MARCHF8: variants seen among roughly 807,000 people sequenced by gnomAD.
MARCHF8 encodes membrane associated ring-CH-type finger 8.
In MARCHF8, 40 loss-of-function variants were observed where a neutral mutation model predicts 51.6. The observed-to-expected ratio is 0.77, with a 90% confidence interval of 0.60 to 1.01. The LOEUF (loss-of-function observed/expected upper bound fraction) is 1.01, where lower values mean the gene tolerates loss of function less well. MARCHF8 is among the 50% of genes least tolerant of loss of function. MARCHF8 has a pLI of 0.00. For synonymous variants in MARCHF8, 263 were observed against 280.3 expected (o/e 0.94, Z 0.62); for missense variants, 685 against 708.6 (o/e 0.97, Z 0.38).
intron 3 of MARCHF8, among the ~76,000 whole-genome samples, chr10:45,472,837 C>T (rs977711666): frequency 2.6e-5 from 4 of 152,200 alleles, no homozygotes; most frequent in African/African-American, 9.6e-5. Context: ...TGTCAGGATT[C>T]GAGTGAGGCT....
At chr10:45,561,900 CAAAAAAAAAAA>C (rs34329041) in intron 1 of MARCHF8, among the ~76,000 whole-genome samples, 11 of 41,534 alleles carry the variant, frequency 2.6e-4, no homozygotes, top group African/African-American at 9.0e-4. Flanking sequence ...GACTCCGTCT[CAAAAAAAAAAA>C]AAAAAAAAAA....
At chr10:45,464,377 G>T (rs891344521) in intron 3 of MARCHF8, 50 bp from the exon 4 acceptor site, 1 of 1,482,634 alleles carries the variant, frequency 6.7e-7, no homozygotes. Context: ...CAAGGGGATT[G>T]TGTGCACTGT....
exon 1 of MARCHF8, chr10:45,594,824 C>G (rs2044722777): frequency 6.6e-6 from 1 of 152,570 alleles, no homozygotes; most frequent in Non-Finnish European, 1.5e-5. Flanking sequence ...CGAGCATGCC[C>G]GAGACGTGGA....
intron 2 of MARCHF8, among the ~76,000 whole-genome samples, chr10:45,519,272 CAACT>C (rs1329220368): frequency 1.3e-5 from 2 of 152,106 alleles, no homozygotes; most frequent in Non-Finnish European, 2.9e-5. Flanking sequence ...AACAGGTAAA[CAACT>C]AACAGATATG....
chr10:45,456,182 T>G lies in MARCHF8; in HGVS notation c.*2057A>C, dbSNP rs1213538449. ...AGTTCCTAAGGGACATTGGCAGGGC[T>G]GACCTGGGATTCAGCTCCCCTGAGT... On this transcript the variant is annotated 3_prime_UTR_variant, in exon 8 of 8. Coordinates refer to ENST00000453424, the MANE Select transcript of MARCHF8 (RefSeq NM_001282866.2). 6.6e-6 allele frequency: 1 copy of G among 152,348 alleles called. No homozygotes were observed. The highest frequency in any genetic ancestry group is 1.5e-5 in the Non-Finnish European group (1 of 68,124). The allele number at this position is 152,348 out of a possible 1,614,324, so 9.4% of individuals were successfully genotyped here. A position where few individuals can be genotyped will look rare whatever the true frequency, so the allele number is the denominator to read the frequency against.
intron 6 of MARCHF8, among the ~76,000 whole-genome samples, chr10:45,460,183 T>C (rs898729968): frequency 1.3e-5 from 2 of 152,186 alleles, no homozygotes; most frequent in African/African-American, 2.4e-5. Context: ...TTCCTACCTA[T>C]AATACAGAGT....
Position 45,458,252 on chromosome 10 carries a change from A to G in MARCHF8, c.1709T>C (p.Ile570Thr). Reference protein sequence around the residue: ...CTEPEDTGAEIIHV With the variant: ...CTEPEDTGAETIHV ...ACCCGCACACAATCAGACGTGAATG[A>G]TTTCTGCTCCAGTGTCTTCAGGCTC... The change falls in exon 8 of 8, where the codon ATC (isoleucine) becomes ACC (threonine). Residue 570 changes from isoleucine (I) to threonine (T), a missense_variant. Transcript: ENST00000453424. The G allele has an allele frequency of 3.1e-6, 5 of 1,610,018 alleles. No individual in the cohort carries two copies. Among genetic ancestry groups the G allele is most frequent in the Non-Finnish European group, 4.2e-6 (5 of 1,177,844 alleles).
At chr10:45,503,568 TA>T (rs1359069022) in intron 2 of MARCHF8, among the ~76,000 whole-genome samples, 19 of 148,612 alleles carry the variant, frequency 1.3e-4, no homozygotes, top group African/African-American at 3.2e-4. Context: ...AATAAATAAA[TA>T]AAATAAAAAC....
At chr10:45,585,910 T>C (rs35183751) in intron 1 of MARCHF8, among the ~76,000 whole-genome samples, 9,403 of 152,144 alleles carry the variant, frequency 0.062, 335 homozygotes, top group Non-Finnish European at 0.067. Context: ...CTGGACATAA[T>C]TAGTAACAAT....
At chr10:45,564,453 T>A (rs1393262488) in intron 1 of MARCHF8, among the ~76,000 whole-genome samples, 1 of 151,922 alleles carries the variant, frequency 6.6e-6, no homozygotes, top group African/African-American at 2.4e-5. Flanking sequence ...AAAAAAAGAC[T>A]GGAGAAAAAT....
At chr10:45,512,426 C>G (rs955789108) in intron 2 of MARCHF8, among the ~76,000 whole-genome samples, 12 of 151,070 alleles carry the variant, frequency 7.9e-5, no homozygotes, top group Middle Eastern at 3.5e-3. Flanking sequence ...CGGCCAGCCA[C>G]CCCGTCCGGG....
intron 3 of MARCHF8, among the ~76,000 whole-genome samples, chr10:45,482,261 T>C (rs539868183): frequency 6.6e-6 from 1 of 152,268 alleles, no homozygotes; most frequent in African/African-American, 2.4e-5. Flanking sequence ...ACAGATTCAA[T>C]GCAATTGCTA....
chr10:45,484,317 G>A (rs1486519247), intron 3 of MARCHF8, among the ~76,000 whole-genome samples: 2 of 152,224 alleles, frequency 1.3e-5, no homozygotes, highest in African/African-American at 4.8e-5. Flanking sequence ...GACTGAGTGT[G>A]GATGGGGCAT....
intron 2 of MARCHF8, among the ~76,000 whole-genome samples, chr10:45,501,650 T>A (rs887104784): frequency 2.6e-5 from 4 of 152,038 alleles, no homozygotes; most frequent in African/African-American, 9.7e-5. Flanking sequence ...TTAAACTTCA[T>A]CAAAATCAGA....
intron 1 of MARCHF8, among the ~76,000 whole-genome samples, chr10:45,541,337 A>G (rs916072809): frequency 1.3e-5 from 2 of 151,838 alleles, no homozygotes; most frequent in African/African-American, 4.8e-5. Flanking sequence ...ACCAAACACC[A>G]CATGTTCTCA....
At chr10:45,484,781 C>T (rs977446023) in intron 3 of MARCHF8, among the ~76,000 whole-genome samples, 5 of 152,042 alleles carry the variant, frequency 3.3e-5, no homozygotes, top group South Asian at 2.1e-4. Flanking sequence ...ACAAAAGGTG[C>T]GCAAATAGGA....
intron 2 of MARCHF8, among the ~76,000 whole-genome samples, chr10:45,501,400 A>C (rs1197476113): frequency 6.6e-6 from 1 of 152,170 alleles, no homozygotes; most frequent in Non-Finnish European, 1.5e-5. Flanking sequence ...CTGATTTTTA[A>C]GAAAGCAATT....
At chr10:45,553,853 T>A (rs565338884) in intron 1 of MARCHF8, among the ~76,000 whole-genome samples, 1 of 150,482 alleles carries the variant, frequency 6.6e-6, no homozygotes, top group Admixed American at 6.6e-5. Flanking sequence ...ACACACACAC[T>A]CTTGCTCATG....
upstream of MARCHF8, among the ~76,000 whole-genome samples, chr10:45,536,488 T>C (rs1027882456): frequency 9.9e-5 from 15 of 151,876 alleles, no homozygotes; most frequent in Admixed American, 8.5e-4. Context: ...TTCACACCTA[T>C]AATCCCAGAA....
Sources: gnomAD v4.1 joint callset for allele counts (sites outside exome capture counted in the v4.1 genomes callset) on GRCh38, gnomAD v4.1.1 for gene constraint, MANE v1.5 for transcripts, NCBI Gene and HGNC (gene_info 2026-07-23, HGNC 2026-07-21) for gene names.